KCTD1: variants seen among roughly 807,000 people sequenced by gnomAD.
KCTD1 encodes BTB/POZ domain-containing protein KCTD1.
In KCTD1, 24 loss-of-function variants were observed where a neutral mutation model predicts 66.0. The ratio of observed to expected loss-of-function variants is 0.36; its 90% confidence interval spans 0.26 to 0.51. The LOEUF is 0.51. Among genes scored for constraint, KCTD1 ranks in the 20% least tolerant of loss-of-function variants. The pLI is 0.95. For synonymous variants in KCTD1, 511 were observed against 517.2 expected (o/e 0.99, Z 0.16); for missense variants, 943 against 1,205.2 (o/e 0.78, Z 3.22).
At chr18:26,501,348 T>G (rs777486181) in intron 1 of KCTD1, 98 bp from the exon 2 acceptor site, 116 of 1,062,606 alleles carry the variant, frequency 1.1e-4, no homozygotes, top group Non-Finnish European at 1.4e-4. Flanking sequence ...TTAACGATAC[T>G]CATTCAGTAA....
intron 1 of KCTD1, among the ~76,000 whole-genome samples, chr18:26,527,661 T>G (rs1812397548): frequency 6.6e-6 from 1 of 152,026 alleles, no homozygotes; most frequent in African/African-American, 2.4e-5. Flanking sequence ...GGACCTTGAG[T>G]GATAACAGTG....
intron 1 of KCTD1, among the ~76,000 whole-genome samples, chr18:26,593,885 G>GATGAGGAGGAGGAGGAAGAT (rs372364825): frequency 1.1e-5 from 1 of 90,524 alleles, no homozygotes; most frequent in Non-Finnish European, 2.6e-5. Flanking sequence ...AGGAAGATAA[G>GATGAGGAGGAGGAGGAAGAT]GAGGAGGAGG....
In KCTD1 at chr18:26,617,472, T is replaced by C. The variant is rs138177957; in HGVS notation, c.-16+11675A>G. On this transcript the variant is annotated intron_variant, in intron 1 of 4. Transcript: ENST00000317932. Reference sequence around the variant, plus strand: ...GACTAACAATTTGGCTTTTGAAATATGATATGGGAAAATCAGGATAAACAA... The same window carrying C: ...GACTAACAATTTGGCTTTTGAAATACGATATGGGAAAATCAGGATAAACAA... 4.9e-3 allele frequency among the ~76,000 whole-genome samples: 750 copies of C among 152,352 alleles called. 11 individuals are homozygous for C. The highest frequency in any genetic ancestry group is 6.8e-3 in the Middle Eastern group (2 of 294).
At chr18:26,538,648 A>G (rs977649522) in intron 1 of KCTD1, among the ~76,000 whole-genome samples, 3 of 152,202 alleles carry the variant, frequency 2.0e-5, no homozygotes, top group Admixed American at 1.3e-4. Context: ...AGCATTCTGC[A>G]CTAACAAAAT....
chr18:26,528,802 G>T (rs1984294836), intron 1 of KCTD1, among the ~76,000 whole-genome samples: 1 of 152,268 alleles, frequency 6.6e-6, no homozygotes, highest in South Asian at 2.1e-4. Context: ...CTTTGCCCCT[G>T]AAACTAAGGC....
At chr18:26,561,817 G>C (rs1985857303) in intron 1 of KCTD1, among the ~76,000 whole-genome samples, 1 of 152,176 alleles carries the variant, frequency 6.6e-6, no homozygotes, top group Non-Finnish European at 1.5e-5. Context: ...GGTCAGAGTA[G>C]TCAGTAGTTA....
rs1435026362 is a variant in KCTD1, at chr18:26,590,186, C to T, written c.-16+38961G>A. Among the ~76,000 whole-genome samples the T allele has an allele frequency of 2.6e-5, 4 of 152,152 alleles. No individual in the cohort carries two copies. The East Asian group carries it at 7.7e-4, about 29-fold the overall frequency. On this transcript the variant is annotated intron_variant, in intron 1 of 4. Transcript: ENST00000317932. ...GCAACCTCTGCCTCCTGGGTTCAAG[C>T]AGTTCTCCTGCCTCAGCTTCCTGAG...
At chr18:26,469,853 C>G (rs1980956282) in intron 3 of KCTD1, among the ~76,000 whole-genome samples, 1 of 152,080 alleles carries the variant, frequency 6.6e-6, no homozygotes, top group Non-Finnish European at 1.5e-5. Flanking sequence ...AATGTCCCTG[C>G]CTGGAGAATC....
chr18:26,548,692 G>A, upstream of KCTD1: 2 of 1,030,100 alleles, frequency 1.9e-6, no homozygotes, highest in Non-Finnish European at 2.4e-6. Context: ...GCGCAGCTCC[G>A]GAGGGGCAGC....
chr18:26,508,299 G>C (rs1983152443), intron 1 of KCTD1, among the ~76,000 whole-genome samples: 1 of 152,130 alleles, frequency 6.6e-6, no homozygotes, highest in Non-Finnish European at 1.5e-5. Flanking sequence ...CAACAGAGGA[G>C]CAATGATTTT....
rs61521451 is a variant in KCTD1 at position 26,601,326 on chromosome 18, T to TAA, written c.-16+27819_-16+27820dup. On this transcript the variant is annotated intron_variant, in intron 1 of 4. Coordinates refer to the KCTD1 transcript ENST00000317932. ...GCCAGTAAATAAAAGTGTTCATTGGTAAAAAAAAAAAAAAAAAAAAAAAGA... is the reference window on the plus strand; with the variant it reads ...GCCAGTAAATAAAAGTGTTCATTGGTAAAAAAAAAAAAAAAAAAAAAAAAAGA... 7.4e-4 allele frequency among the ~76,000 whole-genome samples: 69 copies of TAA among 93,210 alleles called. 4 individuals carry two copies. The highest frequency in any genetic ancestry group is 1.0e-3 in the Non-Finnish European group (52 of 50,436). 61.1% of individuals were successfully genotyped at this position (93,210 alleles called of 152,430 possible).
intron 1 of KCTD1, among the ~76,000 whole-genome samples, chr18:26,598,868 G>A (rs955986996): frequency 1.3e-5 from 2 of 152,054 alleles, no homozygotes; most frequent in African/African-American, 4.8e-5. Flanking sequence ...TGAGTTGTGA[G>A]GGTTCTTTAT....
intron 2 of KCTD1, among the ~76,000 whole-genome samples, chr18:26,490,517 C>T (rs1982140507): frequency 6.6e-6 from 1 of 152,122 alleles, no homozygotes; most frequent in Admixed American, 6.5e-5. Context: ...ATCTTTGCTG[C>T]CCATATTAAA....
At chr18:26,579,610 A>G (rs552323763) in intron 1 of KCTD1, among the ~76,000 whole-genome samples, 1 of 152,286 alleles carries the variant, frequency 6.6e-6, no homozygotes, top group African/African-American at 2.4e-5. Context: ...TAGTTTGGGG[A>G]ACAAGTCAGA....
At chr18:26,584,139 G>C (rs1986419745) in intron 1 of KCTD1, among the ~76,000 whole-genome samples, 1 of 152,188 alleles carries the variant, frequency 6.6e-6, no homozygotes, top group Non-Finnish European at 1.5e-5. Flanking sequence ...ATTGGGATTG[G>C]AGTGAGGGCT....
chr18:26,608,265 T>C (rs1433564703), intron 1 of KCTD1, among the ~76,000 whole-genome samples: 3 of 152,252 alleles, frequency 2.0e-5, no homozygotes, highest in Admixed American at 6.5e-5. Flanking sequence ...TGATCTCTTG[T>C]CTTACCTGCT....
intron 2 of KCTD1, among the ~76,000 whole-genome samples, chr18:26,492,173 T>C (rs1982235199): frequency 1.3e-5 from 2 of 151,948 alleles, no homozygotes; most frequent in Non-Finnish European, 2.9e-5. Flanking sequence ...GCCCAGGAGG[T>C]TTATGCTGCA....
At chr18:26,644,766 A>AAAG (rs1987901015), upstream of KCTD1, among the ~76,000 whole-genome samples, 1 of 149,956 alleles carries the variant, frequency 6.7e-6, no homozygotes, top group African/African-American at 2.5e-5. Flanking sequence ...AAAAAAAAAA[A>AAAG]AGAGAGAGAG....
At chr18:26,586,562 G>T (rs1200125147) in intron 1 of KCTD1, among the ~76,000 whole-genome samples, 1 of 152,240 alleles carries the variant, frequency 6.6e-6, no homozygotes, top group African/African-American at 2.4e-5. Context: ...GAAGCTTAGT[G>T]AGGAAGGCAT....
Sources: gnomAD v4.1 joint callset for allele counts (sites outside exome capture counted in the v4.1 genomes callset) on GRCh38, gnomAD v4.1.1 for gene constraint, MANE v1.5 for transcripts, NCBI Gene and HGNC (gene_info 2026-07-23, HGNC 2026-07-21) for gene names.